Variants in GPHN observed in about 807,000 individuals in gnomAD.
GPHN encodes gephyrin.
Under a neutral mutation model 95.5 loss-of-function variants are expected in GPHN, and 17 were observed. That is an observed-to-expected ratio of 0.18 (90% CI 0.12 to 0.27). The LOEUF (loss-of-function observed/expected upper bound fraction) is 0.27, where lower values mean the gene tolerates loss of function less well. GPHN is among the 10% of genes least tolerant of loss of function. GPHN has a pLI of 1.00. For synonymous variants in GPHN, 320 were observed against 322.5 expected (o/e 0.99, Z 0.08); for missense variants, 660 against 978.1 (o/e 0.67, Z 4.34).
chr14:67,221,309 G>C, the GPHN span, among the ~76,000 whole-genome samples: 3 of 152,202 alleles, frequency 2.0e-5, no homozygotes, highest in East Asian at 3.9e-4. Context: ...TGGTAAAGAA[G>C]CTACCAGAAG....
chr14:67,199,091 C>A, the GPHN span: 3 of 1,063,524 alleles, frequency 2.8e-6, no homozygotes, highest in Non-Finnish European at 4.4e-6. Flanking sequence ...CCGAGCGGAA[C>A]CAGGATGCCA....
chr14:66,994,421 A>G (rs1038307381), intron 9 of GPHN, among the ~76,000 whole-genome samples: 2 of 152,144 alleles, frequency 1.3e-5, no homozygotes, highest in Non-Finnish European at 2.9e-5. Flanking sequence ...AAACAAAAAA[A>G]AAATCTCATG....
chr14:66,861,820 A>C (rs890080256), intron 4 of GPHN, among the ~76,000 whole-genome samples: 2 of 152,202 alleles, frequency 1.3e-5, no homozygotes, highest in East Asian at 3.9e-4. Context: ...AACATACCAA[A>C]ACATATGGGA....
At chr14:67,557,371 G>A in the GPHN span, 11 of 1,613,834 alleles carry the variant, frequency 6.8e-6, no homozygotes, top group African/African-American at 2.7e-5. Context: ...AGCCATAAAG[G>A]GCAAAGATGA....
At chr14:67,197,771 G>A in the GPHN span, among the ~76,000 whole-genome samples, 1 of 152,120 alleles carries the variant, frequency 6.6e-6, no homozygotes, top group East Asian at 1.9e-4. Flanking sequence ...GTCTGTGGGG[G>A]AATATATTGA....
intron 9 of GPHN, among the ~76,000 whole-genome samples, chr14:67,004,404 A>G (rs1031959397): frequency 6.6e-6 from 1 of 151,824 alleles, no homozygotes; most frequent in African/African-American, 2.4e-5. Context: ...CAGAGTAGAT[A>G]TTGCCATATT....
At chr14:67,193,491 A>C in the GPHN span, among the ~76,000 whole-genome samples, 7 of 135,394 alleles carry the variant, frequency 5.2e-5, no homozygotes, top group Non-Finnish European at 1.1e-4. Context: ...ACAGATAGCT[A>C]TATATCTAGA....
At chr14:67,491,936 C>A in the GPHN span, among the ~76,000 whole-genome samples, 2 of 152,180 alleles carry the variant, frequency 1.3e-5, no homozygotes, top group Admixed American at 1.3e-4. Context: ...GAGATGGGAG[C>A]CAGGCCCCAA....
At chr14:66,817,944 C>A (rs1443895591) in intron 3 of GPHN, among the ~76,000 whole-genome samples, 1 of 152,138 alleles carries the variant, frequency 6.6e-6, no homozygotes, top group East Asian at 1.9e-4. Flanking sequence ...ATAGACCCCA[C>A]CTCCTGACAG....
At chr14:66,863,347 A>C (rs1286320915) in intron 4 of GPHN, among the ~76,000 whole-genome samples, 2 of 152,154 alleles carry the variant, frequency 1.3e-5, no homozygotes, top group Admixed American at 1.3e-4. Context: ...AAGTTATTCC[A>C]TGTTCATGGG....
At position 66,519,895 on chromosome 14, in the gene GPHN, A is replaced by T. The variant is rs7156737; in HGVS notation, c.64+11304A>T. On this transcript the variant is annotated intron_variant, in intron 1 of 22. Coordinates refer to ENST00000478722, the MANE Select transcript of GPHN (RefSeq NM_020806.5). The stretch of plus-strand genomic sequence containing the variant: ...ACCATTTTACAGCTGAAGAAATTGT[A>T]GCAGAGAGAGATTAAGTAACTTGCT... 2.6e-5 allele frequency among the ~76,000 whole-genome samples: 4 copies of T among 152,034 alleles called. No individual in the cohort carries two copies. The East Asian group carries it at 5.8e-4, about 22-fold the overall frequency.
chr14:67,425,316 C>T, the GPHN span, among the ~76,000 whole-genome samples: 21 of 152,294 alleles, frequency 1.4e-4, no homozygotes, highest in East Asian at 3.9e-3. Flanking sequence ...TTTGGGAGGC[C>T]AAGGCGGGAG....
intron 9 of GPHN, chr14:66,968,955 A>G (rs2069545111): frequency 1.3e-5 from 2 of 148,192 alleles, no homozygotes; most frequent in Admixed American, 1.3e-4. Context: ...TTATATATTG[A>G]CCGTTTAAGA....
At chr14:67,119,532 G>A (rs542627457) in intron 16 of GPHN, among the ~76,000 whole-genome samples, 1 of 152,200 alleles carries the variant, frequency 6.6e-6, no homozygotes, top group East Asian at 1.9e-4. Flanking sequence ...GCTCACGCCT[G>A]TAATCCCAGC....
intron 2 of GPHN, among the ~76,000 whole-genome samples, chr14:66,768,272 G>A (rs559815770): frequency 2.0e-5 from 3 of 151,694 alleles, no homozygotes; most frequent in African/African-American, 7.2e-5. Context: ...GCAAAATGAG[G>A]GAGTTTTAAA....
intron 1 of GPHN, among the ~76,000 whole-genome samples, chr14:66,536,539 A>ATTT (rs61377153): frequency 3.9e-5 from 6 of 152,066 alleles, no homozygotes; most frequent in Admixed American, 2.0e-4. Flanking sequence ...TATTTTTGTC[A>ATTT]GATTTTGTTA....
chr14:67,662,833 G>A, the GPHN span, among the ~76,000 whole-genome samples: 124 of 151,254 alleles, frequency 8.2e-4, no homozygotes, highest in Middle Eastern at 3.4e-3. Flanking sequence ...AACCCAGGAG[G>A]TGGAAGTGGC....
intron 17 of GPHN, among the ~76,000 whole-genome samples, chr14:67,128,090 G>C (rs1223646578): frequency 6.6e-6 from 1 of 151,914 alleles, no homozygotes; most frequent in Non-Finnish European, 1.5e-5. Context: ...CTAAATATAG[G>C]TCTCCCCGTG....
At chr14:67,298,496 CAA>C in the GPHN span, among the ~76,000 whole-genome samples, 1 of 139,186 alleles carries the variant, frequency 7.2e-6, no homozygotes, top group Non-Finnish European at 1.5e-5. Context: ...GCCTGGGCGA[CAA>C]GAGTGAAACT....
Sources: allele counts gnomAD v4.1 joint callset (sites outside exome capture counted in the v4.1 genomes callset), GRCh38; gene constraint gnomAD v4.1.1; transcripts MANE v1.5; gene names NCBI Gene and HGNC (gene_info 2026-07-23, HGNC 2026-07-21).